ATP6V1C2: variants seen among roughly 807,000 people sequenced by gnomAD.
ATP6V1C2 encodes ATPase H+ transporting V1 subunit C2, also known as V-type proton ATPase subunit C 2.
A neutral mutation model predicts 56.8 loss-of-function variants in ATP6V1C2; 45 were observed. The observed-to-expected ratio is 0.79, with a 90% CI of 0.62 to 1.02. The LOEUF (loss-of-function observed/expected upper bound fraction) is 1.02. Among genes scored for constraint, ATP6V1C2 ranks in the 50% least tolerant of loss-of-function variants. The probability of loss-of-function intolerance (pLI) is 0.00; values close to 1 mark genes in which losing one functional copy is unlikely to be tolerated. For missense variants in ATP6V1C2, 463 were observed against 519.7 expected (o/e 0.89, Z 1.06); for synonymous variants, 220 against 201.3 (o/e 1.09, Z -0.79).
chr2:10,767,187 G>GTTTT, intron 5 of ATP6V1C2, among the ~76,000 whole-genome samples: 1 of 114,228 alleles, frequency 8.8e-6, no homozygotes, highest in Non-Finnish European at 1.7e-5. Context: ...TTGAGGCAGA[G>GTTTT]TCTCACTGTG....
intron 10 of ATP6V1C2, among the ~76,000 whole-genome samples, chr2:10,776,067 G>C (rs1452906946): frequency 6.6e-6 from 1 of 152,026 alleles, no homozygotes; most frequent in Non-Finnish European, 1.5e-5. Context: ...GTCTGTCAGC[G>C]ACCTTTTTGC....
intron 4 of ATP6V1C2, 64 bp from the exon 5 acceptor site, chr2:10,764,267 C>T (rs1283166558): frequency 1.6e-5 from 23 of 1,410,594 alleles, no homozygotes; most frequent in East Asian, 1.4e-4. Context: ...CTTGGGATTC[C>T]GAAGTCTCAA....
intron 3 of ATP6V1C2, among the ~76,000 whole-genome samples, chr2:10,751,616 CT>C (rs1286591621): frequency 3.3e-5 from 5 of 152,100 alleles, no homozygotes; most frequent in African/African-American, 1.2e-4. Flanking sequence ...GAGAGCCTCA[CT>C]TTTGGAGTCC....
chr2:10,754,654 G>A (rs1478534022), intron 4 of ATP6V1C2, among the ~76,000 whole-genome samples: 1 of 150,042 alleles, frequency 6.7e-6, no homozygotes, highest in Non-Finnish European at 1.5e-5. Context: ...CTCACTGCAA[G>A]CTCCGCCTTC....
chr2:10,784,829 G>A lies in ATP6V1C2; in HGVS notation c.*1566G>A. ...CTTAAAAGGCCCACGGGTGCACCAG[G>A]GCTGAGGTCTGATGGGAAGGACTTG... On this transcript the variant is annotated 3_prime_UTR_variant, in exon 14 of 14. Transcript: ENST00000272238. The A allele has an allele frequency of 1.2e-6, 1 of 802,574 alleles. No homozygotes were observed. Among genetic ancestry groups the A allele is most frequent in the East Asian group, 2.7e-5 (1 of 37,176 alleles). The allele number at this position is 802,574 out of a possible 1,614,324, so 49.7% of individuals were successfully genotyped here.
chr2:10,735,888 C>A (rs763102624), intron 3 of ATP6V1C2, among the ~76,000 whole-genome samples: 38 of 152,074 alleles, frequency 2.5e-4, no homozygotes, highest in Admixed American at 4.6e-4. Context: ...TGTGCCAGGC[C>A]CTCCTGGAGA....
chr2:10,779,670 G>A (rs1368043452), intron 12 of ATP6V1C2, among the ~76,000 whole-genome samples: 1 of 124,686 alleles, frequency 8.0e-6, no homozygotes, highest in Non-Finnish European at 1.6e-5. Flanking sequence ...TGGGCAACAA[G>A]AGAAACTCCG....
intron 8 of ATP6V1C2, among the ~76,000 whole-genome samples, chr2:10,772,876 C>T (rs549257635): frequency 2.9e-5 from 4 of 138,896 alleles, no homozygotes; most frequent in Admixed American, 2.2e-4. Flanking sequence ...CTCTCCACGC[C>T]GTTGCCTCTG....
intron 4 of ATP6V1C2, among the ~76,000 whole-genome samples, chr2:10,754,318 C>T (rs867414897): frequency 1.3e-5 from 2 of 151,924 alleles, no homozygotes; most frequent in African/African-American, 4.8e-5. Flanking sequence ...CTCCGCCGCC[C>T]GGGTTCAAGC....
chr2:10,756,173 A>C (rs1246757506), intron 4 of ATP6V1C2, among the ~76,000 whole-genome samples: 1 of 152,182 alleles, frequency 6.6e-6, no homozygotes, highest in East Asian at 1.9e-4. Flanking sequence ...CCCAGCCAAC[A>C]TGGTGAAACC....
chr2:10,783,238 A>G lies in ATP6V1C2; in HGVS notation c.1259A>G (p.His420Arg), dbSNP rs1025625684. 6.2e-7 allele frequency: 1 copy of G among 1,613,504 alleles called. No individual in the cohort carries two copies. The highest frequency in any genetic ancestry group is 8.5e-7 in the Non-Finnish European group (1 of 1,179,580). The change falls in exon 14 of 14, where the codon CAT becomes CGT. Residue 420 changes from histidine to arginine, a missense_variant. His to Arg is a conservative substitution (Grantham distance 29). Coordinates refer to ENST00000272238, the MANE Select transcript of ATP6V1C2 (RefSeq NM_001039362.2). Reference sequence around the variant, plus strand: ...GACTATTTTCCTTATGTCTACTTCCATATTGACCTTAGTCTTCTTGACTAG... The same window carrying G: ...GACTATTTTCCTTATGTCTACTTCCGTATTGACCTTAGTCTTCTTGACTAG... ...NQDYFPYVYF[H>R]IDLSLLD
intron 2 of ATP6V1C2, 47 bp from the exon 3 acceptor site, chr2:10,726,455 C>A: frequency 6.8e-7 from 1 of 1,480,968 alleles, no homozygotes; most frequent in Non-Finnish European, 9.4e-7. Flanking sequence ...TGGCATCATG[C>A]TTGGCCAGAA....
chr2:10,750,937 G>A (rs1273102090), intron 3 of ATP6V1C2, among the ~76,000 whole-genome samples: 1 of 152,174 alleles, frequency 6.6e-6, no homozygotes, highest in Non-Finnish European at 1.5e-5. Flanking sequence ...AGTTGTTAGT[G>A]CTTGGTACAT....
intron 3 of ATP6V1C2, among the ~76,000 whole-genome samples, chr2:10,751,297 C>T (rs1161759845): frequency 6.6e-6 from 1 of 152,070 alleles, no homozygotes; most frequent in Non-Finnish European, 1.5e-5. Context: ...CAAAACAGTC[C>T]ACCCAGGTTG....
chr2:10,745,054 T>TG (rs1297790628), intron 3 of ATP6V1C2, among the ~76,000 whole-genome samples: 2 of 148,824 alleles, frequency 1.3e-5, no homozygotes, highest in Admixed American at 1.3e-4. Context: ...TTTTTTTTTT[T>TG]TTTTTCTGAG....
chr2:10,767,880 GC>G (rs1327076187), intron 5 of ATP6V1C2: 1 of 151,046 alleles, frequency 6.6e-6, no homozygotes, highest in Non-Finnish European at 1.5e-5. Flanking sequence ...TGTGATCATC[GC>G]CCCCATTCCC....
chr2:10,758,695 G>T (rs1663701123), intron 4 of ATP6V1C2, among the ~76,000 whole-genome samples: 1 of 150,090 alleles, frequency 6.7e-6, no homozygotes, highest in African/African-American at 2.5e-5. Context: ...ACGGAGTCTT[G>T]CTCTGTCGCC....
intron 8 of ATP6V1C2, among the ~76,000 whole-genome samples, chr2:10,774,024 C>T (rs1324054227): frequency 1.3e-5 from 2 of 152,248 alleles, no homozygotes; most frequent in Admixed American, 6.5e-5. Context: ...GGCCAAGAGC[C>T]GGGGATCCTT....
rs1664100721 is a variant in ATP6V1C2 at position 10,764,397 on chromosome 2, T to C, written c.350T>C (p.Leu117Pro). The C allele has an allele frequency of 6.2e-7, 1 of 1,614,110 alleles. No homozygotes were observed. The highest frequency in any genetic ancestry group is 2.2e-5 in the East Asian group (1 of 44,876). Residue 117 changes from leucine (L) to proline (P), a missense_variant, in exon 5 of 14, where the codon CTC (leucine) becomes CCC (proline). By Grantham distance (98) the Leu-to-Pro change is moderately conservative. Transcript: ENST00000272238. Reference protein sequence around the residue: ...DMAKYPVKQPLVSVVDTIAKQ... With the variant: ...DMAKYPVKQPPVSVVDTIAKQ... Reference sequence around the variant, plus strand: ...GCCAAATATCCTGTCAAGCAGCCGCTCGTGAGTGTGGTGGACACAATAGCC... The same window carrying C: ...GCCAAATATCCTGTCAAGCAGCCGCCCGTGAGTGTGGTGGACACAATAGCC...
Sources: gnomAD v4.1 joint callset for allele counts (sites outside exome capture counted in the v4.1 genomes callset) on GRCh38, gnomAD v4.1.1 for gene constraint, MANE v1.5 for transcripts, NCBI Gene and HGNC (gene_info 2026-07-23, HGNC 2026-07-21) for gene names.